Variants in IFT74 observed in about 807,000 individuals in gnomAD.
IFT74 encodes intraflagellar transport 74.
IFT74 carries 92 observed loss-of-function variants against 96.7 expected under a neutral mutation model. The ratio of observed to expected loss-of-function variants is 0.95; its 90% CI spans 0.80 to 1.13. The LOEUF (loss-of-function observed/expected upper bound fraction) is 1.13. IFT74 is among the 50% of genes most tolerant of loss of function. The pLI, the probability that IFT74 is intolerant of heterozygous loss-of-function variation, is 0.00. For missense variants in IFT74, 811 were observed against 698.2 expected (o/e 1.16, Z -1.82); for synonymous variants, 223 against 213.2 (o/e 1.05, Z -0.40).
At chr9:27,000,589 A>T (rs1828428948) in intron 8 of IFT74, among the ~76,000 whole-genome samples, 1 of 152,208 alleles carries the variant, frequency 6.6e-6, no homozygotes, top group Admixed American at 6.5e-5. Context: ...GATCAAATTA[A>T]TGTACTTGGG....
chr9:26,975,135 G>A (rs1827053847), intron 2 of IFT74, among the ~76,000 whole-genome samples: 1 of 152,146 alleles, frequency 6.6e-6, no homozygotes, highest in Admixed American at 6.5e-5. Context: ...ACCTGAGGCG[G>A]CAGCAGCTGC....
rs73438247 is a variant in IFT74 at position 27,062,486 on chromosome 9, C to T, written c.1685-132C>T. 1,158 of 561,174 alleles carry T rather than the reference C, an allele frequency of 2.1e-3. 14 individuals are homozygous for T. In the African/African-American group the frequency reaches 0.021, roughly 10 times the overall value. 34.8% of individuals were successfully genotyped at this position (561,174 alleles called of 1,614,324 possible). A position where few individuals can be genotyped will look rare whatever the true frequency, so the allele number is the denominator to read the frequency against. On this transcript the variant is annotated intron_variant, in intron 19 of 19. Transcript: ENST00000380062. ...ATGCTTAATCTGTTAAAATGATGTA[C>T]TGTATTTTAAAGTATTCTAATTGTG... is the stretch of plus-strand genomic sequence containing the variant.
Position 26,948,466 on chromosome 9 carries a change from T to A in IFT74, c.-20+1320T>A, listed in dbSNP as rs1224216599. On this transcript the variant is annotated intron_variant, in intron 1 of 19. Coordinates refer to the IFT74 transcript ENST00000433700. Reference sequence around the variant, plus strand: ...TTCCATTATTTTTTTTTTTTTTTTTTTTTTTTTTTTTTTTTTTTTTTTGAG... The same window carrying A: ...TTCCATTATTTTTTTTTTTTTTTTTATTTTTTTTTTTTTTTTTTTTTTGAG... 6.9e-3 allele frequency among the ~76,000 whole-genome samples: 647 copies of A among 93,936 alleles called. 55 individuals are homozygous for A. In the East Asian group the frequency reaches 0.081, roughly 12 times the overall value. The allele number at this position is 93,936 out of a possible 152,430, so 61.6% of individuals were successfully genotyped here. A position where few individuals can be genotyped will look rare whatever the true frequency, so the allele number is the denominator to read the frequency against.
chr9:26,951,845 C>T (rs1018864671), upstream of IFT74, among the ~76,000 whole-genome samples: 6 of 152,112 alleles, frequency 3.9e-5, no homozygotes, highest in African/African-American at 1.4e-4. Context: ...TTGCAGTGAG[C>T]CGAGATAGCT....
chr9:26,949,335 C>T (rs989935211), intron 1 of IFT74, among the ~76,000 whole-genome samples: 2 of 152,102 alleles, frequency 1.3e-5, no homozygotes, highest in African/African-American at 4.8e-5. Flanking sequence ...ATTTGGAGGC[C>T]ATTAGGTTGA....
chr9:26,992,692 CA>C (rs759740948), intron 8 of IFT74, among the ~76,000 whole-genome samples: 277 of 133,088 alleles, frequency 2.1e-3, no homozygotes, highest in Admixed American at 1.7e-3. Context: ...GACTTTGTCT[CA>C]AAAAAAAAAA....
intron 13 of IFT74, among the ~76,000 whole-genome samples, chr9:27,042,961 T>C (rs1274371692): frequency 6.6e-6 from 1 of 152,228 alleles, no homozygotes; most frequent in Non-Finnish European, 1.5e-5. Context: ...TGTGTATATA[T>C]ATAAACACAC....
At chr9:27,042,751 A>G (rs1819533948) in intron 13 of IFT74, among the ~76,000 whole-genome samples, 1 of 152,220 alleles carries the variant, frequency 6.6e-6, no homozygotes, top group African/African-American at 2.4e-5. Context: ...TTAAATAGCC[A>G]GAACAAGAAA....
intron 12 of IFT74, among the ~76,000 whole-genome samples, chr9:27,021,141 A>T (rs1307954654): frequency 1.3e-5 from 2 of 152,044 alleles, no homozygotes; most frequent in Admixed American, 1.3e-4. Context: ...ACATATATAT[A>T]TGTATGTATA....
At chr9:26,974,091 G>A (rs1212088820) in intron 2 of IFT74, among the ~76,000 whole-genome samples, 1 of 152,184 alleles carries the variant, frequency 6.6e-6, no homozygotes. Context: ...TGAAGGCCCA[G>A]ATCCTCTAAT....
In IFT74 at chr9:27,055,757, T is replaced by C. The variant is rs754713851; in HGVS notation, c.1482T>C (p.Gly494=). The C allele has an allele frequency of 6.5e-7, 1 of 1,542,532 alleles. No individual in the cohort carries two copies. The highest frequency in any genetic ancestry group is 8.7e-7 in the Non-Finnish European group (1 of 1,152,336). Residue 494 remains glycine, a synonymous_variant, in exon 17 of 20, where the codon GGT becomes GGC. Coordinates refer to ENST00000380062, the MANE Select transcript of IFT74 (RefSeq NM_025103.4). ...YNDLPALKSS[G]EEKIKKLHQE... is the part of the protein sequence containing the mutation. ...ATTTGCCAGCTTTAAAATCATCAGG[T>C]GAAGAAAAGATAAAGGTAAATGTTA... is the stretch of plus-strand genomic sequence containing the variant.
chr9:26,948,031 C>G (rs140552715), intron 1 of IFT74, among the ~76,000 whole-genome samples: 3,570 of 152,286 alleles, frequency 0.023, 144 homozygotes, highest in Admixed American at 0.1. Context: ...TCCAACTACA[C>G]TTTTCCACAA....
At chr9:27,046,461 A>G (rs1819706359) in intron 14 of IFT74, among the ~76,000 whole-genome samples, 1 of 152,214 alleles carries the variant, frequency 6.6e-6, no homozygotes, top group African/African-American at 2.4e-5. Context: ...GATGCTCCAT[A>G]GAAATACTCG....
At chr9:27,008,882 A>C (rs1056223232) in intron 8 of IFT74, 138 bp from the exon 9 acceptor site, 13 of 648,112 alleles carry the variant, frequency 2.0e-5, no homozygotes, top group African/African-American at 1.5e-4. Context: ...TTTAGTACAA[A>C]TATAAAGACT....
intron 12 of IFT74, 160 bp from the exon 13 acceptor site, chr9:27,028,865 T>C: frequency 1.8e-6 from 1 of 571,378 alleles, no homozygotes. Context: ...GTAAAAGATA[T>C]CCTAATGTCA....
intron 6 of IFT74, among the ~76,000 whole-genome samples, chr9:26,986,544 T>G (rs548538027): frequency 2.0e-5 from 3 of 152,188 alleles, no homozygotes. Context: ...CTCAAACTCA[T>G]GGGCTCAAGT....
In IFT74 at chr9:27,060,660, T is replaced by G; in HGVS notation, c.1684+9T>G. ...TTTTGCGATGAAAGAATGTATCCTT[T>G]AAAAAGCTGAAAATGGGGCCGGGTG... On this transcript the variant is annotated intron_variant, in intron 19 of 19. Coordinates refer to ENST00000380062, the MANE Select transcript of IFT74 (RefSeq NM_025103.4). 2 of 1,593,168 alleles carry G rather than the reference T, an allele frequency of 1.3e-6. No individual in the cohort carries two copies. Among genetic ancestry groups the G allele is most frequent in the Middle Eastern group, 1.7e-4 (1 of 5,980 alleles).
chr9:26,988,783 A>G, intron 7 of IFT74, 55 bp downstream of exon 7: 1 of 1,378,710 alleles, frequency 7.3e-7, no homozygotes, highest in Non-Finnish European at 9.8e-7. Flanking sequence ...CTACAAAACA[A>G]AGCATTTATA....
chr9:27,016,310 G>T (rs1181623222), intron 10 of IFT74, among the ~76,000 whole-genome samples: 2 of 152,124 alleles, frequency 1.3e-5, no homozygotes, highest in African/African-American at 4.8e-5. Flanking sequence ...TGTCTCTGTT[G>T]TGTCTGTACT....
Sources: gnomAD v4.1 joint callset for allele counts (sites outside exome capture counted in the v4.1 genomes callset) on GRCh38, gnomAD v4.1.1 for gene constraint, MANE v1.5 for transcripts, NCBI Gene and HGNC (gene_info 2026-07-23, HGNC 2026-07-21) for gene names.